Variants in WIPF3 observed in about 807,000 individuals in gnomAD.
WIPF3 encodes the protein WAS/WASL interacting protein family member 3.
In WIPF3, 33 loss-of-function variants were observed where a neutral mutation model predicts 38.9. The ratio of observed to expected loss-of-function variants is 0.85; its 90% CI spans 0.64 to 1.14. The LOEUF (loss-of-function observed/expected upper bound fraction) is 1.14. Among genes scored for constraint, WIPF3 ranks in the 50% most tolerant of loss-of-function variants. The pLI is 0.00. For missense variants in WIPF3, 711 were observed against 652.5 expected, an observed-to-expected ratio of 1.09 and a Z score of -0.98; for synonymous variants, 324 against 269.3, an observed-to-expected ratio of 1.20 and a Z score of -1.99.
At chr7:29,855,339 A>C (rs953301182) in intron 2 of WIPF3, among the ~76,000 whole-genome samples, 1 of 152,182 alleles carries the variant, frequency 6.6e-6, no homozygotes, top group Admixed American at 6.5e-5. Context: ...AAAGTGCAGA[A>C]TCTCTGATTA....
At chr7:29,852,272 T>A (rs1220027422) in intron 2 of WIPF3, among the ~76,000 whole-genome samples, 1 of 152,216 alleles carries the variant, frequency 6.6e-6, no homozygotes, top group Non-Finnish European at 1.5e-5. Flanking sequence ...TCCCAAAGCA[T>A]AGGCATGAGC....
At chr7:29,908,630 G>A (rs1449288237) in intron 8 of WIPF3, among the ~76,000 whole-genome samples, 2 of 152,218 alleles carry the variant, frequency 1.3e-5, no homozygotes, top group African/African-American at 4.8e-5. Flanking sequence ...TAGATATCAG[G>A]CCAGGCATGG....
chr7:29,858,512 AC>A (rs1785225129), intron 2 of WIPF3, among the ~76,000 whole-genome samples: 1 of 152,230 alleles, frequency 6.6e-6, no homozygotes, highest in African/African-American at 2.4e-5. Flanking sequence ...AGAGAAGTGA[AC>A]TAAAAATACA....
chr7:29,808,690 AGTGT>A (rs59634993), intron 1 of WIPF3, among the ~76,000 whole-genome samples: 1,623 of 150,562 alleles, frequency 0.011, 35 homozygotes, highest in South Asian at 0.056. Flanking sequence ...GAATGGAGGA[AGTGT>A]GTGTGTGTGT....
chr7:29,884,264 T>TGGCC lies in WIPF3; in HGVS notation c.770_771insGGCC (p.Pro258AlafsTer61). 720 of 1,314,068 alleles carry TGGCC rather than the reference T, an allele frequency of 5.5e-4. No individual in the cohort carries two copies. The highest frequency in any genetic ancestry group is 6.6e-4 in the Non-Finnish European group (658 of 991,624). The allele number at this position is 1,314,068 out of a possible 1,614,324, so 81.4% of individuals were successfully genotyped here. A position where few individuals can be genotyped will look rare whatever the true frequency, so the allele number is the denominator to read the frequency against. On this transcript the variant is annotated frameshift_variant, in exon 5 of 9. Transcript: ENST00000242140. LOFTEE classifies it high-confidence loss of function. ...AAGCCTCAGCTGGCTCCCTTGCACC[T>TGGCC]CCCGCCCATCCCGCCCCCGCTCCCT...
At chr7:29,861,294 T>C (rs1785270414) in intron 2 of WIPF3, among the ~76,000 whole-genome samples, 1 of 152,202 alleles carries the variant, frequency 6.6e-6, no homozygotes, top group Admixed American at 6.5e-5. Context: ...GTTTATACTT[T>C]ACTTGCAAAT....
intron 2 of WIPF3, among the ~76,000 whole-genome samples, chr7:29,865,615 C>G (rs760884866): frequency 6.6e-6 from 1 of 151,960 alleles, no homozygotes; most frequent in African/African-American, 2.4e-5. Flanking sequence ...GGAGTGAGGC[C>G]GAGGGATGAC....
At position 29,808,697 on chromosome 7, in the gene WIPF3, G is replaced by A. The variant is rs1221505836; in HGVS notation, c.-58+2019G>A. On this transcript the variant is annotated intron_variant, in intron 1 of 8. Coordinates refer to ENST00000242140, the MANE Select transcript of WIPF3 (RefSeq NM_001080529.3). ...AGCAGAAGGAATGGAGGAAGTGTGT[G>A]TGTGTGTGTGTGTGTGTGTGTGTGT... Among the ~76,000 whole-genome samples the A allele has an allele frequency of 1.3e-3, 5 of 3,898 alleles. No individual in the cohort carries two copies. In the Admixed American group the frequency reaches 0.014, roughly 11 times the overall value. The allele number at this position is 3,898 out of a possible 152,430, so 2.6% of individuals were successfully genotyped here.
intron 8 of WIPF3, among the ~76,000 whole-genome samples, chr7:29,907,492 T>C (rs1397656136): frequency 1.3e-5 from 2 of 152,214 alleles, no homozygotes; most frequent in African/African-American, 4.8e-5. Flanking sequence ...GCCTGAATGT[T>C]TGTGTCCCTC....
intron 1 of WIPF3, among the ~76,000 whole-genome samples, chr7:29,814,195 C>G (rs185648492): frequency 6.6e-6 from 1 of 152,182 alleles, no homozygotes; most frequent in South Asian, 2.1e-4. Context: ...AATGTAATAA[C>G]CTGCTTACGG....
intron 1 of WIPF3, among the ~76,000 whole-genome samples, chr7:29,814,213 G>A (rs985625641): frequency 1.3e-5 from 2 of 152,172 alleles, no homozygotes; most frequent in Non-Finnish European, 2.9e-5. Flanking sequence ...CGGTTATTAT[G>A]ATTACTCATA....
chr7:29,858,783 A>C (rs1182263866), intron 2 of WIPF3, among the ~76,000 whole-genome samples: 2 of 152,208 alleles, frequency 1.3e-5, no homozygotes, highest in African/African-American at 4.8e-5. Flanking sequence ...TTATTAATAT[A>C]CAAAGAGTGT....
At chr7:29,904,546 G>A (rs536425799) in intron 8 of WIPF3, 184 bp downstream of exon 8, 20 of 579,642 alleles carry the variant, frequency 3.5e-5, no homozygotes, top group Admixed American at 9.8e-5. Context: ...TTCAAAATCT[G>A]AAGTGTGACA....
At position 29,884,376 on chromosome 7, in the gene WIPF3, C is replaced by T. The variant is rs1444257733; in HGVS notation, c.882C>T (p.Pro294=). ...QDAQEPPAPP[P]PLPPYASCSP... Reference sequence around the variant, plus strand: ...CGCAGGAGCCTCCCGCCCCGCCGCCCCCGCTCCCCCCTTATGCTTCTTGCT... The same window carrying T: ...CGCAGGAGCCTCCCGCCCCGCCGCCTCCGCTCCCCCCTTATGCTTCTTGCT... Residue 294 remains proline (P), a synonymous_variant, in exon 5 of 9, where the codon CCC becomes CCT. Transcript: ENST00000242140. The T allele has an allele frequency of 5.5e-6, 8 of 1,464,532 alleles. No homozygotes were observed. Among genetic ancestry groups the T allele is most frequent in the Non-Finnish European group, 6.3e-6 (7 of 1,104,556 alleles). 90.7% of individuals were successfully genotyped at this position (1,464,532 alleles called of 1,614,324 possible). A position where few individuals can be genotyped will look rare whatever the true frequency, so the allele number is the denominator to read the frequency against.
At position 29,916,212 on chromosome 7, in the gene WIPF3, A is replaced by C. The variant is rs1702659246; in HGVS notation, c.*1696A>C. 1 of 152,228 alleles carries C rather than the reference A, an allele frequency of 6.6e-6. No individual in the cohort carries two copies. Among genetic ancestry groups the C allele is most frequent in the Non-Finnish European group, 1.5e-5 (1 of 68,046 alleles). 9.4% of individuals were successfully genotyped at this position (152,228 alleles called of 1,614,324 possible). On this transcript the variant is annotated 3_prime_UTR_variant, in exon 9 of 9. Transcript: ENST00000242140. ...ACTAATTTGTTTTATTGGTTCTGGA[A>C]GATTTCCAAAAAGCCAGAATTTATT...
chr7:29,886,160 G>A (rs975871764), intron 5 of WIPF3, among the ~76,000 whole-genome samples: 1 of 151,650 alleles, frequency 6.6e-6, no homozygotes, highest in African/African-American at 2.4e-5. Flanking sequence ...TAAAAGTATT[G>A]GTGTCTTAAA....
chr7:29,874,446 AG>A (rs199529511), intron 2 of WIPF3, among the ~76,000 whole-genome samples: 1 of 151,164 alleles, frequency 6.6e-6, no homozygotes, highest in African/African-American at 2.4e-5. Context: ...CAGAGGAAAA[AG>A]GAATATGGTA....
intron 8 of WIPF3, among the ~76,000 whole-genome samples, chr7:29,910,024 A>G (rs1451815763): frequency 6.6e-6 from 1 of 152,226 alleles, no homozygotes; most frequent in Non-Finnish European, 1.5e-5. Flanking sequence ...TGATAGCACA[A>G]CAGGGTGACT....
chr7:29,843,275 T>C (rs889270702), intron 2 of WIPF3, among the ~76,000 whole-genome samples: 13 of 152,052 alleles, frequency 8.5e-5, no homozygotes, highest in African/African-American at 3.1e-4. Context: ...TATTTAAATG[T>C]GTTTCTTTTT....
Sources: gnomAD v4.1 joint callset for allele counts (sites outside exome capture counted in the v4.1 genomes callset) on GRCh38, gnomAD v4.1.1 for gene constraint, MANE v1.5 for transcripts, NCBI Gene and HGNC (gene_info 2026-07-23, HGNC 2026-07-21) for gene names.